The following HACE1 variants were observed in gnomAD, a reference collection of about 807,000 sequenced individuals.
HACE1 encodes the protein HECT domain and ankyrin repeat containing E3 ubiquitin protein ligase 1, also known as E3 ubiquitin-protein ligase HACE1.
A neutral mutation model predicts 118.4 loss-of-function variants in HACE1; 73 were observed. That is an observed-to-expected ratio of 0.62 (90% CI 0.51 to 0.75). HACE1 has a LOEUF of 0.75. Ranked by LOEUF, HACE1 falls within the 30% of genes least tolerant of loss-of-function variation. The probability of loss-of-function intolerance (pLI) is 0.00; values close to 1 mark genes in which losing one functional copy is unlikely to be tolerated. For missense variants in HACE1, 749 were observed against 1,102.2 expected (o/e 0.68, Z 4.54); for synonymous variants, 368 against 374.8 (o/e 0.98, Z 0.21).
chr6:104,743,491 G>A (rs552112579), intron 22 of HACE1, among the ~76,000 whole-genome samples: 24 of 151,696 alleles, frequency 1.6e-4, no homozygotes, highest in Non-Finnish European at 3.1e-4. Flanking sequence ...GGAGAAATAT[G>A]TACATTTATA....
At chr6:104,739,594 A>T (rs1242991900) in intron 22 of HACE1, among the ~76,000 whole-genome samples, 1 of 152,142 alleles carries the variant, frequency 6.6e-6, no homozygotes, top group African/African-American at 2.4e-5. Context: ...TGATAAAGGG[A>T]TCAATTCAAC....
intron 6 of HACE1, among the ~76,000 whole-genome samples, 187 bp downstream of exon 6, chr6:104,832,855 C>T (rs1774145354): frequency 6.6e-6 from 1 of 151,876 alleles, no homozygotes; most frequent in African/African-American, 2.4e-5. Flanking sequence ...GCTAGGATCC[C>T]ACCACTGCAC....
intron 7 of HACE1, among the ~76,000 whole-genome samples, chr6:104,810,292 G>T (rs925754207): frequency 1.3e-5 from 2 of 151,850 alleles, no homozygotes; most frequent in African/African-American, 4.8e-5. Context: ...TCTAATACAG[G>T]GTTGTTAAAT....
At chr6:104,821,020 G>A (rs907533599) in intron 6 of HACE1, among the ~76,000 whole-genome samples, 2 of 152,098 alleles carry the variant, frequency 1.3e-5, no homozygotes. Context: ...AAAAAAGAAC[G>A]TGACAATGTC....
intron 19 of HACE1, among the ~76,000 whole-genome samples, chr6:104,752,451 G>A (rs1394957954): frequency 6.6e-6 from 1 of 151,816 alleles, no homozygotes; most frequent in Non-Finnish European, 1.5e-5. Flanking sequence ...AAAGTTTTCT[G>A]CCCCATTCAT....
chr6:104,842,632 C>A (rs1775229527), intron 5 of HACE1, among the ~76,000 whole-genome samples: 1 of 152,038 alleles, frequency 6.6e-6, no homozygotes, highest in African/African-American at 2.4e-5. Context: ...ACATAACACA[C>A]CTCAGCAGAG....
chr6:104,853,522 C>A (rs1323117494), intron 1 of HACE1, among the ~76,000 whole-genome samples: 3 of 151,958 alleles, frequency 2.0e-5, no homozygotes, highest in African/African-American at 7.3e-5. Context: ...AAAGATGAAA[C>A]CCTGACAACC....
At chr6:104,773,317 T>C (rs1780842111) in intron 17 of HACE1, among the ~76,000 whole-genome samples, 2 of 152,210 alleles carry the variant, frequency 1.3e-5, no homozygotes, top group African/African-American at 4.8e-5. Flanking sequence ...TTTAGTCATT[T>C]TGACAATAAT....
chr6:104,811,027 C>T (rs1164546925), intron 7 of HACE1, among the ~76,000 whole-genome samples: 1 of 151,686 alleles, frequency 6.6e-6, no homozygotes, highest in Non-Finnish European at 1.5e-5. Flanking sequence ...CCACATGTAA[C>T]ATAAAAGCAA....
chr6:104,844,266 A>G (rs927503487), intron 4 of HACE1, among the ~76,000 whole-genome samples: 22 of 151,046 alleles, frequency 1.5e-4, no homozygotes, highest in African/African-American at 5.1e-4. Context: ...TGATCTCTTG[A>G]CCTCGTGATC....
intron 19 of HACE1, among the ~76,000 whole-genome samples, chr6:104,754,540 G>C (rs1420431201): frequency 1.3e-5 from 2 of 152,118 alleles, no homozygotes; most frequent in African/African-American, 4.8e-5. Context: ...CAGAGATAAA[G>C]GCCAGGTCAC....
intron 10 of HACE1, among the ~76,000 whole-genome samples, chr6:104,791,878 C>A (rs1783064740): frequency 6.6e-6 from 1 of 152,038 alleles, no homozygotes. Context: ...CAGAATATAA[C>A]CAATGATCAA....
chr6:104,742,588 A>C (rs1776889641), intron 22 of HACE1, among the ~76,000 whole-genome samples: 1 of 151,880 alleles, frequency 6.6e-6, no homozygotes, highest in African/African-American at 2.4e-5. Context: ...CCATCAGAGA[A>C]ATGCAAATCA....
chr6:104,837,865 T>C (rs1774701466), intron 5 of HACE1, among the ~76,000 whole-genome samples: 1 of 152,108 alleles, frequency 6.6e-6, no homozygotes, highest in South Asian at 2.1e-4. Context: ...AATAAGTACG[T>C]TGCAAAATAT....
chr6:104,857,192 TATATATTTAC>T (rs1776808992), intron 1 of HACE1, among the ~76,000 whole-genome samples: 1 of 143,842 alleles, frequency 7.0e-6, no homozygotes, highest in African/African-American at 2.6e-5. Flanking sequence ...TATATTTACA[TATATATTTAC>T]ATATATATAT....
intron 6 of HACE1, among the ~76,000 whole-genome samples, chr6:104,823,033 A>G (rs1772944733): frequency 6.6e-6 from 1 of 152,234 alleles, no homozygotes; most frequent in African/African-American, 2.4e-5. Context: ...TACAATATAA[A>G]CTGTCATAGC....
chr6:104,833,243 T>G, intron 5 of HACE1, 70 bp from the exon 6 acceptor site: 1 of 1,392,514 alleles, frequency 7.2e-7, no homozygotes, highest in Non-Finnish European at 1.0e-6. Context: ...ATAAATAATG[T>G]TATTTCTCAG....
chr6:104,836,813 G>A (rs1774586763), intron 5 of HACE1, among the ~76,000 whole-genome samples: 2 of 152,276 alleles, frequency 1.3e-5, no homozygotes, highest in Admixed American at 6.5e-5. Flanking sequence ...GAACTAATAA[G>A]TGAGTTCAGC....
At chr6:104,816,625 C>A (rs1302800915) in intron 6 of HACE1, among the ~76,000 whole-genome samples, 1 of 152,204 alleles carries the variant, frequency 6.6e-6, no homozygotes, top group East Asian at 1.9e-4. Flanking sequence ...TCTACTAGGG[C>A]AGTGCAGACA....
Sources: allele counts gnomAD v4.1 joint callset (sites outside exome capture counted in the v4.1 genomes callset), GRCh38; gene constraint gnomAD v4.1.1; transcripts MANE v1.5; gene names NCBI Gene and HGNC (gene_info 2026-07-23, HGNC 2026-07-21).